Variants in PACRG observed in about 807,000 individuals in gnomAD.
PACRG encodes the protein parkin coregulated, also known as parkin coregulated gene protein.
A neutral mutation model predicts 29.7 loss-of-function variants in PACRG; 29 were observed. The observed-to-expected ratio is 0.98, with a 90% confidence interval of 0.73 to 1.33. PACRG has a LOEUF of 1.33. Ranked by LOEUF, PACRG falls within the 40% of genes most tolerant of loss-of-function variation. The pLI, the probability that PACRG is intolerant of heterozygous loss-of-function variation, is 0.00. For missense variants in PACRG, 279 were observed against 316.2 expected (o/e 0.88, Z 0.89); for synonymous variants, 116 against 118.7 (o/e 0.98, Z 0.15).
intron 4 of PACRG, among the ~76,000 whole-genome samples, chr6:163,277,599 C>G (rs1784087012): frequency 6.8e-6 from 1 of 146,226 alleles, no homozygotes; most frequent in African/African-American, 2.6e-5. Flanking sequence ...TATACATATA[C>G]ATACTTTGTC....
chr6:163,142,046 A>T (rs559591435), intron 4 of PACRG, among the ~76,000 whole-genome samples: 4 of 152,144 alleles, frequency 2.6e-5, no homozygotes, highest in African/African-American at 4.8e-5. Flanking sequence ...TTTAAATGAT[A>T]TTCTCTAGCA....
intron 1 of PACRG, among the ~76,000 whole-genome samples, chr6:162,775,711 A>G (rs1435668690): frequency 6.6e-6 from 1 of 152,166 alleles, no homozygotes; most frequent in Non-Finnish European, 1.5e-5. Context: ...TTCACTTCTG[A>G]ATCATTTTGA....
intron 1 of PACRG, among the ~76,000 whole-genome samples, chr6:162,806,756 T>C (rs911161933): frequency 6.6e-6 from 1 of 152,156 alleles, no homozygotes; most frequent in South Asian, 2.1e-4. Context: ...TTTTAAGTGC[T>C]CAGTGACCAC....
At chr6:163,042,601 C>T (rs1472507806) in intron 2 of PACRG, 4 of 151,650 alleles carry the variant, frequency 2.6e-5, no homozygotes, top group Admixed American at 6.6e-5. Flanking sequence ...ATGTTTGTTT[C>T]TAAAATTACA....
chr6:162,995,474 G>A (rs914773888), intron 2 of PACRG, among the ~76,000 whole-genome samples: 2 of 152,204 alleles, frequency 1.3e-5, no homozygotes, highest in African/African-American at 2.4e-5. Flanking sequence ...TCTGAAAAGC[G>A]CAGTATTCGG....
At position 163,314,898 on chromosome 6, in the gene PACRG, C is replaced by A; in HGVS notation, c.685C>A (p.Leu229Met). 2 of 1,614,224 alleles carry A rather than the reference C, an allele frequency of 1.2e-6. No homozygotes were observed. Among genetic ancestry groups the A allele is most frequent in the Non-Finnish European group, 1.7e-6 (2 of 1,180,034 alleles). Residue 229 changes from leucine (L) to methionine (M), a missense_variant, in exon 5 of 5, where the codon CTG (leucine) becomes ATG (methionine). Leu to Met is a conservative substitution (Grantham distance 15). Coordinates refer to ENST00000366888, the MANE Select transcript of PACRG (RefSeq NM_001080379.2). ...ENIGDLIQETLEAFERYGGEN... is the reference protein window; with the variant it reads ...ENIGDLIQETMEAFERYGGEN... ...CATTGGGGACTTGATCCAGGAGACA[C>A]TGGAGGCCTTCGAGCGCTACGGAGG...
At chr6:162,790,532 T>TA (rs1784848319) in intron 1 of PACRG, among the ~76,000 whole-genome samples, 1 of 150,952 alleles carries the variant, frequency 6.6e-6, no homozygotes, top group Non-Finnish European at 1.5e-5. Context: ...ATATATATAT[T>TA]GCTTAGCCAT....
At chr6:163,229,823 C>T (rs189082262) in intron 4 of PACRG, among the ~76,000 whole-genome samples, 28 of 152,284 alleles carry the variant, frequency 1.8e-4, no homozygotes, top group Admixed American at 1.4e-3. Flanking sequence ...ATTCCTTTAG[C>T]GGCAGTTGTC....
intron 2 of PACRG, among the ~76,000 whole-genome samples, chr6:162,925,174 A>T (rs141117094): frequency 4.3e-4 from 66 of 152,306 alleles, no homozygotes; most frequent in Non-Finnish European, 7.6e-4. Context: ...AGTAATAAAT[A>T]GCCTACCAAC....
intron 4 of PACRG, among the ~76,000 whole-genome samples, chr6:163,107,135 A>G (rs1323640146): frequency 6.6e-6 from 1 of 152,202 alleles, no homozygotes; most frequent in Non-Finnish European, 1.5e-5. Flanking sequence ...GTCAGTGAAT[A>G]TGATGAAAAG....
intron 2 of PACRG, among the ~76,000 whole-genome samples, chr6:162,974,553 T>C (rs1338984783): frequency 1.3e-5 from 2 of 152,218 alleles, no homozygotes; most frequent in Non-Finnish European, 2.9e-5. Flanking sequence ...ATCTCCATTA[T>C]ATACCACTGA....
chr6:163,266,154 G>C (rs1415536148), intron 4 of PACRG, among the ~76,000 whole-genome samples: 2 of 152,204 alleles, frequency 1.3e-5, no homozygotes, highest in African/African-American at 4.8e-5. Flanking sequence ...TACCTATGCT[G>C]TCAAAATGGC....
intron 4 of PACRG, among the ~76,000 whole-genome samples, chr6:163,292,949 G>A (rs1202231281): frequency 1.3e-5 from 2 of 152,124 alleles, no homozygotes; most frequent in African/African-American, 2.4e-5. Flanking sequence ...TCACAAACTT[G>A]CAAGGATTTT....
intron 4 of PACRG, among the ~76,000 whole-genome samples, chr6:163,159,024 T>G (rs1214570150): frequency 6.6e-6 from 1 of 152,160 alleles, no homozygotes; most frequent in Non-Finnish European, 1.5e-5. Context: ...CTGCTTTGAA[T>G]GCCATGAGCA....
At chr6:163,079,546 T>C (rs1173596713) in intron 3 of PACRG, among the ~76,000 whole-genome samples, 4 of 152,170 alleles carry the variant, frequency 2.6e-5, no homozygotes, top group Non-Finnish European at 1.5e-5. Flanking sequence ...AGGAAACATA[T>C]TAGAATACAT....
chr6:162,761,314 A>G (rs925729325), intron 1 of PACRG, among the ~76,000 whole-genome samples: 6 of 152,200 alleles, frequency 3.9e-5, no homozygotes, highest in Admixed American at 2.0e-4. Context: ...CCCTGTAGCA[A>G]TATAGATGAG....
chr6:163,215,047 A>T (rs1304691181), intron 4 of PACRG, among the ~76,000 whole-genome samples: 2 of 152,052 alleles, frequency 1.3e-5, no homozygotes, highest in Non-Finnish European at 2.9e-5. Flanking sequence ...AGTATATATT[A>T]ATTTGACCCA....
intron 2 of PACRG, among the ~76,000 whole-genome samples, chr6:162,852,858 A>G (rs79780861): frequency 6.6e-6 from 1 of 152,206 alleles, no homozygotes; most frequent in Admixed American, 6.5e-5. Context: ...CTTTTTAGTG[A>G]TCTCATCACT....
At chr6:163,251,815 T>G (rs1364737880) in intron 4 of PACRG, among the ~76,000 whole-genome samples, 3 of 152,212 alleles carry the variant, frequency 2.0e-5, no homozygotes, top group Admixed American at 2.0e-4. Flanking sequence ...GCGATCATAG[T>G]TAGTTATTAC....
Sources: allele counts gnomAD v4.1 joint callset (sites outside exome capture counted in the v4.1 genomes callset), GRCh38; gene constraint gnomAD v4.1.1; transcripts MANE v1.5; gene names NCBI Gene and HGNC (gene_info 2026-07-23, HGNC 2026-07-21).